Variants in RNF213 observed in about 807,000 individuals in gnomAD.
RNF213 encodes ring finger protein 213.
RNF213 carries 341 observed loss-of-function variants against 514.4 expected under a neutral mutation model. The ratio of observed to expected loss-of-function variants is 0.66; its 90% CI spans 0.61 to 0.73. The LOEUF (loss-of-function observed/expected upper bound fraction) is 0.73, where lower values mean the gene tolerates loss of function less well. RNF213 is among the 30% of genes least tolerant of loss of function. The pLI is 0.00. For missense variants in RNF213, 5,767 were observed against 6,615.6 expected (o/e 0.87, Z 4.45); for synonymous variants, 2,655 against 2,658.2 (o/e 1.00, Z 0.04).
At chr17:80,333,841 T>C (rs2077907401) in intron 21 of RNF213, 2 of 465,994 alleles carry the variant, frequency 4.3e-6, no homozygotes, top group African/African-American at 1.9e-5. Context: ...ATGTGAGGAA[T>C]TGATTTTAAA....
intron 55 of RNF213, 51 bp from the exon 56 acceptor site, chr17:80,380,780 G>A (rs1238801954): frequency 6.2e-7 from 1 of 1,611,522 alleles, no homozygotes; most frequent in Non-Finnish European, 8.5e-7. Flanking sequence ...AGTGCAGCGT[G>A]CCAAAGCGGC....
Position 80,287,897 on chromosome 17 carries a change from C to T in RNF213, c.344C>T (p.Ala115Val), listed in dbSNP as rs2044530816. The T allele has an allele frequency of 6.3e-7, 1 of 1,581,452 alleles. No individual in the cohort carries two copies. Among genetic ancestry groups the T allele is most frequent in the Non-Finnish European group, 8.6e-7 (1 of 1,163,822 alleles). ...CTGGCTTCCTTGCCCCTTTCTCCTG[C>T]CAGCCCCTGTCACCTGACTTTGCTT... ...SELASLPLSP[A>V]SPCHLTLLSN... The change falls in exon 4 of 68, where the codon GCC (alanine) becomes GTC (valine). Residue 115 changes from alanine to valine, a missense_variant. By Grantham distance (64) the Ala-to-Val change is moderately conservative (BLOSUM62 0). Coordinates refer to ENST00000582970, the MANE Select transcript of RNF213 (RefSeq NM_001256071.3).
intron 17 of RNF213, chr17:80,320,072 C>T (rs1372863905): frequency 2.0e-6 from 2 of 980,762 alleles, no homozygotes; most frequent in Non-Finnish European, 2.4e-6. Flanking sequence ...AGTTCCAGTT[C>T]AGCAGGTTTT....
intron 42 of RNF213, among the ~76,000 whole-genome samples, chr17:80,366,990 G>T (rs1009794126): frequency 2.0e-5 from 3 of 152,180 alleles, no homozygotes; most frequent in Non-Finnish European, 4.4e-5. Flanking sequence ...CTTCTCATTT[G>T]CTCTCAGACA....
chr17:80,281,145 C>T (rs1306868492), intron 3 of RNF213, among the ~76,000 whole-genome samples: 2 of 135,340 alleles, frequency 1.5e-5, no homozygotes, highest in Non-Finnish European at 3.2e-5. Flanking sequence ...ACACCCCACT[C>T]ACACCACTCA....
intron 67 of RNF213, among the ~76,000 whole-genome samples, chr17:80,392,742 G>A (rs1328327254): frequency 4.0e-5 from 6 of 151,478 alleles, no homozygotes; most frequent in African/African-American, 7.3e-5. Flanking sequence ...GGCACCCACC[G>A]CCATGCCTGG....
At chr17:80,318,758 A>C (rs1360226105) in intron 16 of RNF213, among the ~76,000 whole-genome samples, 1 of 152,018 alleles carries the variant, frequency 6.6e-6, no homozygotes, top group East Asian at 1.9e-4. Context: ...TATTTTTTGT[A>C]GAGACGGGGT....
Position 80,344,843 on chromosome 17 carries a change from T to G in RNF213, c.6508T>G (p.Tyr2170Asp), listed in dbSNP as rs1411611871. The change falls in exon 29 of 68, where the codon TAT (tyrosine) becomes GAT (aspartate). Residue 2170 changes from tyrosine (Y) to aspartate (D), a missense_variant. By Grantham distance (160) the Tyr-to-Asp change is radical (BLOSUM62 -3). Transcript: ENST00000582970. The part of the protein sequence containing the change: ...CSETFQRPYQ[Y>D]LRRFNQNQDL... ...CGAAACTTTCCAAAGACCTTACCAG[T>G]ATTTAAGACGATTCAATCAAAACCA... 2 of 1,614,012 alleles carry G rather than the reference T, an allele frequency of 1.2e-6. No homozygotes were observed. Among genetic ancestry groups the G allele is most frequent in the African/African-American group, 2.7e-5 (2 of 74,892 alleles).
rs898548941 is a variant in RNF213, at chr17:80,393,843, G to T, written c.*345G>T. The T allele has an allele frequency of 7.3e-6, 2 of 273,454 alleles. No homozygotes were observed. The highest frequency in any genetic ancestry group is 9.0e-5 in the East Asian group (1 of 11,126). 16.9% of individuals were successfully genotyped at this position (273,454 alleles called of 1,614,324 possible). On this transcript the variant is annotated 3_prime_UTR_variant, in exon 68 of 68. Coordinates refer to ENST00000582970, the MANE Select transcript of RNF213 (RefSeq NM_001256071.3). ...ACACACGCAGTAATGACCTGTGCCC[G>T]TTCGCCTCTGGCACTGCCCACCCCT...
intron 15 of RNF213, among the ~76,000 whole-genome samples, chr17:80,313,662 ATGG>A (rs1240304435): frequency 1.0e-4 from 3 of 29,788 alleles, no homozygotes; most frequent in South Asian, 1.2e-3. Context: ...TGTGGAGGTG[ATGG>A]TGGAGGTAAT....
At chr17:80,282,352 G>A (rs1213898005) in intron 3 of RNF213, among the ~76,000 whole-genome samples, 2 of 152,142 alleles carry the variant, frequency 1.3e-5, no homozygotes, top group African/African-American at 2.4e-5. Context: ...GCAGAGGGCC[G>A]ACTGTATACC....
intron 44 of RNF213, among the ~76,000 whole-genome samples, chr17:80,369,140 T>C (rs2079404028): frequency 6.6e-6 from 1 of 152,208 alleles, no homozygotes; most frequent in African/African-American, 2.4e-5. Context: ...GGCTCACGCC[T>C]GTAATCCCAG....
In RNF213 at chr17:80,338,805, G is replaced by A. The variant is rs1010689859; in HGVS notation, c.4834-396G>A. Among the ~76,000 whole-genome samples the A allele has an allele frequency of 9.1e-4, 138 of 151,470 alleles. 1 individual carries two copies. Among genetic ancestry groups the A allele is most frequent in the African/African-American group, 3.2e-3 (132 of 41,236 alleles). ...TCTACTAAAATTACAAAAATTAGCCGGGCATGGTGGCACGTGCCTGTAATC... is the reference window on the plus strand; with the variant it reads ...TCTACTAAAATTACAAAAATTAGCCAGGCATGGTGGCACGTGCCTGTAATC... On this transcript the variant is annotated intron_variant, in intron 25 of 67. Transcript: ENST00000582970.
At chr17:80,375,230 G>C (rs965052106) in intron 50 of RNF213, among the ~76,000 whole-genome samples, 23 of 152,234 alleles carry the variant, frequency 1.5e-4, no homozygotes, top group African/African-American at 5.3e-4. Context: ...AGTTTAATCT[G>C]AGAGTATTTC....
intron 2 of RNF213, 90 bp from the exon 3 acceptor site, chr17:80,273,147 ATCTC>A (rs1171555483): frequency 1.3e-6 from 2 of 1,512,686 alleles, no homozygotes; most frequent in Non-Finnish European, 1.8e-6. Context: ...AACAGGGTGA[ATCTC>A]TCCATGCACT....
chr17:80,285,549 C>T (rs771504450), intron 3 of RNF213, among the ~76,000 whole-genome samples: 179 of 152,188 alleles, frequency 1.2e-3, no homozygotes, highest in Admixed American at 2.4e-3. Context: ...CTTGCTTCCC[C>T]CTCTCAGCAG....
At position 80,345,701 on chromosome 17, in the gene RNF213, A is replaced by G; in HGVS notation, c.7366A>G (p.Thr2456Ala). The G allele has an allele frequency of 6.2e-7, 1 of 1,614,234 alleles. No individual in the cohort carries two copies. Among genetic ancestry groups the G allele is most frequent in the South Asian group, 1.1e-5 (1 of 91,086 alleles). Reference protein sequence around the residue: ...IKLVKVHGGTTADMIYSRVRE... With the variant: ...IKLVKVHGGTAADMIYSRVRE... ...GCTGGTCAAGGTGCACGGAGGAACA[A>G]CTGCAGACATGATCTACTCCAGAGT... Residue 2456 changes from threonine to alanine, a missense_variant, in exon 29 of 68, where the codon ACT (threonine) becomes GCT (alanine). Thr to Ala is a moderately conservative substitution (Grantham distance 58, BLOSUM62 0). Transcript: ENST00000582970. The surrounding 1 kb of genome is among the most constrained non-coding windows in gnomAD (Gnocchi z 6.0).
At chr17:80,261,941 C>T (rs962594739) in intron 1 of RNF213, among the ~76,000 whole-genome samples, 1 of 152,270 alleles carries the variant, frequency 6.6e-6, no homozygotes, top group African/African-American at 2.4e-5. Flanking sequence ...CGCTAGAGCC[C>T]GGGAGGCGGA....
intron 9 of RNF213, 104 bp downstream of exon 9, chr17:80,295,107 G>A (rs775156188): frequency 5.7e-5 from 76 of 1,338,250 alleles, no homozygotes; most frequent in Non-Finnish European, 7.0e-5. Flanking sequence ...TTGCAAATGG[G>A]AATGTGTAGA....
Sources: allele counts gnomAD v4.1 joint callset (sites outside exome capture counted in the v4.1 genomes callset), GRCh38; gene constraint gnomAD v4.1.1; non-coding constraint Gnocchi (gnomAD v3.1); transcripts MANE v1.5; gene names NCBI Gene and HGNC (gene_info 2026-07-23, HGNC 2026-07-21).